Variants in NBAS observed in about 807,000 individuals in gnomAD.
NBAS encodes NAG/BC035112 fusion.
A neutral mutation model predicts 302.5 loss-of-function variants in NBAS; 219 were observed. That is an observed-to-expected ratio of 0.72 (90% CI 0.65 to 0.81). The LOEUF (loss-of-function observed/expected upper bound fraction) is 0.81. Ranked by LOEUF, NBAS falls within the 30% of genes least tolerant of loss-of-function variation. The probability of loss-of-function intolerance (pLI) is 0.00; values close to 1 mark genes in which losing one functional copy is unlikely to be tolerated. For synonymous variants in NBAS, 1,118 were observed against 1,021.6 expected, an observed-to-expected ratio of 1.09 and a Z score of -1.80; for missense variants, 2,932 against 2,841.6, an observed-to-expected ratio of 1.03 and a Z score of -0.72.
the NBAS span, among the ~76,000 whole-genome samples, chr2:14,829,748 C>T: frequency 6.6e-6 from 1 of 152,198 alleles, no homozygotes; most frequent in Non-Finnish European, 1.5e-5. Context: ...TCAGGGGCTC[C>T]ATTTGCCACA....
chr2:14,810,626 C>T, the NBAS span, among the ~76,000 whole-genome samples: 1 of 152,278 alleles, frequency 6.6e-6, no homozygotes, highest in Non-Finnish European at 1.5e-5. Flanking sequence ...CAGATCTGGA[C>T]TCTGGCCTAG....
the NBAS span, among the ~76,000 whole-genome samples, chr2:15,031,765 C>A: frequency 1.3e-5 from 2 of 152,340 alleles, no homozygotes; most frequent in African/African-American, 4.8e-5. Context: ...TGCATGAAGA[C>A]AGGCTACTGC....
chr2:15,451,278 T>C (rs1200485522), intron 21 of NBAS, among the ~76,000 whole-genome samples: 1 of 152,132 alleles, frequency 6.6e-6, no homozygotes, highest in Non-Finnish European at 1.5e-5. Context: ...CTCAAATACC[T>C]ACCCCCCAGC....
chr2:15,124,714 G>C, the NBAS span, among the ~76,000 whole-genome samples: 3 of 152,340 alleles, frequency 2.0e-5, no homozygotes, highest in South Asian at 2.1e-4. Flanking sequence ...AAGGGCCCCA[G>C]GTACAGCTTG....
rs77681547 is a variant in NBAS at position 15,554,922 on chromosome 2, C to T, written c.210-784G>A. On this transcript the variant is annotated intron_variant, in intron 3 of 51. Coordinates refer to ENST00000281513, the MANE Select transcript of NBAS (RefSeq NM_015909.4). ...AGCATAAGTTCAAAATAAAACCATT[C>T]ACAAAAGACACGAAACTACTCATCA... is the stretch of plus-strand genomic sequence containing the variant. Among the ~76,000 whole-genome samples, 659 of 152,074 alleles carry T rather than the reference C, an allele frequency of 4.3e-3. 15 individuals are homozygous for T. In the East Asian group the frequency reaches 0.057, roughly 13 times the overall value.
At chr2:15,494,172 TC>T (rs937649716) in intron 11 of NBAS, among the ~76,000 whole-genome samples, 2 of 152,202 alleles carry the variant, frequency 1.3e-5, no homozygotes, top group African/African-American at 4.8e-5. Context: ...TTCACATTCC[TC>T]GTTTTTATTT....
chr2:14,980,861 G>A, the NBAS span, among the ~76,000 whole-genome samples: 1 of 152,152 alleles, frequency 6.6e-6, no homozygotes, highest in Non-Finnish European at 1.5e-5. Flanking sequence ...GCTATGGGCA[G>A]GTAAAATCCA....
chr2:15,255,862 G>A (rs1364541689), intron 44 of NBAS, among the ~76,000 whole-genome samples: 1 of 152,126 alleles, frequency 6.6e-6, no homozygotes, highest in Non-Finnish European at 1.5e-5. Flanking sequence ...TTGGCTGTAA[G>A]TATTTGGCTT....
the NBAS span, among the ~76,000 whole-genome samples, chr2:14,786,195 G>A: frequency 0.074 from 11,268 of 151,780 alleles, 496 homozygotes; most frequent in African/African-American, 0.13. Context: ...TATTGTGTCT[G>A]TTTGATTCTT....
At chr2:15,441,194 C>G (rs1441480419) in intron 21 of NBAS, among the ~76,000 whole-genome samples, 1 of 152,068 alleles carries the variant, frequency 6.6e-6, no homozygotes, top group Non-Finnish European at 1.5e-5. Context: ...AACTCCAAGA[C>G]ACATAATTGT....
the NBAS span, among the ~76,000 whole-genome samples, chr2:15,053,695 G>C: frequency 0.29 from 43,344 of 151,630 alleles, 6,705 homozygotes; most frequent in African/African-American, 0.4. Flanking sequence ...AAGAAGCCTA[G>C]GGCACGTCCA....
the NBAS span, among the ~76,000 whole-genome samples, chr2:14,853,760 A>G: frequency 6.9e-5 from 8 of 116,064 alleles, 1 homozygote; most frequent in Admixed American, 1.6e-4. Context: ...TGATGAGTTC[A>G]TGTCCTTTGT....
intron 3 of NBAS, 80 bp from the exon 4 acceptor site, chr2:15,554,218 TAGAG>T (rs1194309459): frequency 1.8e-6 from 2 of 1,141,700 alleles, no homozygotes; most frequent in Non-Finnish European, 2.6e-6. Context: ...CATATACTTA[TAGAG>T]AGAGACACAG....
At chr2:15,551,446 T>G (rs370451354) in intron 6 of NBAS, 47 bp downstream of exon 6, 3 of 1,250,334 alleles carry the variant, frequency 2.4e-6, no homozygotes, top group Non-Finnish European at 3.5e-6. Context: ...TTGGAAACCA[T>G]TGCGCATTTG....
At chr2:15,272,171 C>A (rs543470326) in intron 44 of NBAS, among the ~76,000 whole-genome samples, 2 of 152,260 alleles carry the variant, frequency 1.3e-5, no homozygotes, top group South Asian at 4.1e-4. Context: ...TCAGTTCAGG[C>A]CTTGGGAATA....
At chr2:15,136,738 G>C in the NBAS span, among the ~76,000 whole-genome samples, 1 of 152,204 alleles carries the variant, frequency 6.6e-6, no homozygotes, top group Non-Finnish European at 1.5e-5. Flanking sequence ...ACGTGTCAAA[G>C]GAGGGACCTG....
At chr2:14,817,436 C>A in the NBAS span, among the ~76,000 whole-genome samples, 7 of 152,188 alleles carry the variant, frequency 4.6e-5, no homozygotes, top group African/African-American at 1.7e-4. Flanking sequence ...GTCTGCCTGT[C>A]TTCTGTATGA....
chr2:14,996,482 T>A, the NBAS span, among the ~76,000 whole-genome samples: 1 of 152,072 alleles, frequency 6.6e-6, no homozygotes, highest in Non-Finnish European at 1.5e-5. Context: ...CAAGGTCAAA[T>A]CCCCATTCCA....
In NBAS at chr2:15,383,747, C is replaced by T. The variant is rs533690611; in HGVS notation, c.3258-430G>A. ...AATCCCTGTCAAGGAGTCTTCTTGA[C>T]TTCAACTGAACATTCACATCCATAG... On this transcript the variant is annotated intron_variant, in intron 28 of 51. Coordinates refer to ENST00000281513, the MANE Select transcript of NBAS (RefSeq NM_015909.4). Among the ~76,000 whole-genome samples, 10 of 152,312 alleles carry T rather than the reference C, an allele frequency of 6.6e-5. 1 individual carries two copies. The South Asian group carries it at 1.5e-3, about 22-fold the overall frequency.
Sources: gnomAD v4.1 joint callset for allele counts (sites outside exome capture counted in the v4.1 genomes callset) on GRCh38, gnomAD v4.1.1 for gene constraint, MANE v1.5 for transcripts, NCBI Gene and HGNC (gene_info 2026-07-23, HGNC 2026-07-21) for gene names.